HAT1: variants seen among roughly 807,000 people sequenced by gnomAD.
HAT1 encodes the protein histone acetyltransferase type B catalytic subunit.
In HAT1, 20 loss-of-function variants were observed where a neutral mutation model predicts 56.6. The ratio of observed to expected loss-of-function variants is 0.35; its 90% CI spans 0.25 to 0.51. The LOEUF (loss-of-function observed/expected upper bound fraction) is 0.51, where lower values mean the gene tolerates loss of function less well. Among genes scored for constraint, HAT1 ranks in the 20% least tolerant of loss-of-function variants. The probability of loss-of-function intolerance (pLI) is 0.95; values close to 1 mark genes in which losing one functional copy is unlikely to be tolerated. For synonymous variants in HAT1, 146 were observed against 165.5 expected, an observed-to-expected ratio of 0.88 and a Z score of 0.91; for missense variants, 408 against 504.3, an observed-to-expected ratio of 0.81 and a Z score of 1.83.
chr2:171,954,024 A>T (rs1360410528), intron 4 of HAT1, among the ~76,000 whole-genome samples: 1 of 152,076 alleles, frequency 6.6e-6, no homozygotes, highest in African/African-American at 2.4e-5. Context: ...ATAAAATCAT[A>T]TACTCAGTCT....
chr2:171,941,050 G>A (rs1263900974), intron 2 of HAT1, among the ~76,000 whole-genome samples: 1 of 152,122 alleles, frequency 6.6e-6, no homozygotes, highest in Admixed American at 6.6e-5. Context: ...TGGCAACATG[G>A]GGACTAAAAT....
chr2:171,923,171 TACA>T (rs1686486715), intron 1 of HAT1: 3 of 152,130 alleles, frequency 2.0e-5, no homozygotes, highest in African/African-American at 4.8e-5. Flanking sequence ...CCCTTCAAGT[TACA>T]ACATTTAATA....
At chr2:171,964,106 C>T (rs753925892) in intron 4 of HAT1, among the ~76,000 whole-genome samples, 8 of 152,154 alleles carry the variant, frequency 5.3e-5, no homozygotes, top group Non-Finnish European at 1.2e-4. Context: ...TGCTATTCAT[C>T]TGCAGGTGCA....
In HAT1 at chr2:171,963,340, G is replaced by T. The variant is rs1687616571; in HGVS notation, c.310-1998G>T. On this transcript the variant is annotated intron_variant, in intron 4 of 10. Transcript: ENST00000264108. ...TTTTATTTGAAGATATTTATTACAGGAAATAGACATCCTTTGAAGGCTGAA... is the reference window on the plus strand; with the variant it reads ...TTTTATTTGAAGATATTTATTACAGTAAATAGACATCCTTTGAAGGCTGAA... 2.0e-5 allele frequency among the ~76,000 whole-genome samples: 3 copies of T among 151,938 alleles called. No homozygotes were observed. The South Asian group carries it at 6.2e-4, about 32-fold the overall frequency.
chr2:171,976,659 GA>G (rs1687973762), intron 9 of HAT1, among the ~76,000 whole-genome samples: 1 of 152,186 alleles, frequency 6.6e-6, no homozygotes, highest in Non-Finnish European at 1.5e-5. Flanking sequence ...TTGGTGGGAA[GA>G]ATGGTTGAAG....
At chr2:171,930,732 A>T (rs1285252082) in intron 2 of HAT1, among the ~76,000 whole-genome samples, 7 of 151,902 alleles carry the variant, frequency 4.6e-5, no homozygotes, top group African/African-American at 1.7e-4. Context: ...CTCCCACCTC[A>T]GCCTCCTGAA....
Position 171,977,511 on chromosome 2 carries a change from G to T in HAT1, c.975+1203G>T, listed in dbSNP as rs1363190868. Reference sequence around the variant, plus strand: ...TTGTTTAATAGCTCAGCTTTTAAAAGAACAGGCATATGAATATATATATAT... The same window carrying T: ...TTGTTTAATAGCTCAGCTTTTAAAATAACAGGCATATGAATATATATATAT... On this transcript the variant is annotated intron_variant, in intron 9 of 10. Transcript: ENST00000264108. Among the ~76,000 whole-genome samples, 5 of 80,090 alleles carry T rather than the reference G, an allele frequency of 6.2e-5. No homozygotes were observed. The Admixed American group carries it at 7.1e-4, about 11-fold the overall frequency. 52.5% of individuals were successfully genotyped at this position (80,090 alleles called of 152,430 possible).
chr2:171,942,908 G>T (rs1687052889), intron 2 of HAT1, among the ~76,000 whole-genome samples: 2 of 151,972 alleles, frequency 1.3e-5, no homozygotes, highest in South Asian at 4.1e-4. Flanking sequence ...CTCATTACTT[G>T]TTCTTTTCTC....
Position 171,944,530 on chromosome 2 carries a change from T to C in HAT1, c.113-2178T>C, listed in dbSNP as rs531981097. 5.3e-5 allele frequency among the ~76,000 whole-genome samples: 8 copies of C among 152,302 alleles called. No homozygotes were observed. The East Asian group carries it at 7.7e-4, about 15-fold the overall frequency. On this transcript the variant is annotated intron_variant, in intron 2 of 10. Coordinates refer to ENST00000264108, the MANE Select transcript of HAT1 (RefSeq NM_003642.4). Reference sequence around the variant, plus strand: ...GGTCCACTTACACATGGACTTTTTTTCCTACCAAATGCAGATAGAAAGTAC... The same window carrying C: ...GGTCCACTTACACATGGACTTTTTTCCCTACCAAATGCAGATAGAAAGTAC...
intron 4 of HAT1, among the ~76,000 whole-genome samples, chr2:171,961,177 C>T (rs1429789797): frequency 6.6e-6 from 1 of 151,952 alleles, no homozygotes; most frequent in Non-Finnish European, 1.5e-5. Flanking sequence ...TGATGGCATG[C>T]TCCTGTAGTC....
chr2:171,971,547 G>A (rs749919168), intron 8 of HAT1, among the ~76,000 whole-genome samples: 6 of 152,100 alleles, frequency 3.9e-5, no homozygotes, highest in Non-Finnish European at 8.8e-5. Context: ...TTTGTTGAAC[G>A]GAGTGTCTTT....
intron 2 of HAT1, among the ~76,000 whole-genome samples, chr2:171,942,509 A>G (rs1687043186): frequency 6.6e-6 from 1 of 152,142 alleles, no homozygotes. Flanking sequence ...TATGTTTGTC[A>G]TGATAACATG....
At chr2:171,931,291 G>T (rs1686738817) in intron 2 of HAT1, among the ~76,000 whole-genome samples, 1 of 152,156 alleles carries the variant, frequency 6.6e-6, no homozygotes, top group African/African-American at 2.4e-5. Flanking sequence ...AGGAGGCTGA[G>T]GTGGGAGGAT....
intron 2 of HAT1, among the ~76,000 whole-genome samples, chr2:171,944,352 T>C (rs1687105030): frequency 1.3e-5 from 2 of 152,208 alleles, no homozygotes; most frequent in Non-Finnish European, 2.9e-5. Flanking sequence ...TTCCTTTTGA[T>C]ATTAGTTTAA....
At chr2:171,979,992 C>T (rs1688092917) in intron 10 of HAT1, 1 of 152,260 alleles carries the variant, frequency 6.6e-6, no homozygotes, top group East Asian at 1.9e-4. Flanking sequence ...TAACACGTGC[C>T]TGTAATCCCA....
intron 8 of HAT1, among the ~76,000 whole-genome samples, chr2:171,975,051 A>G (rs1330128306): frequency 2.0e-5 from 3 of 150,674 alleles, no homozygotes; most frequent in Admixed American, 6.6e-5. Context: ...TAGTGTCAGC[A>G]TAACTCTGGC....
chr2:171,946,522 T>A (rs774808283), intron 2 of HAT1, among the ~76,000 whole-genome samples, 186 bp from the exon 3 acceptor site: 9 of 152,222 alleles, frequency 5.9e-5, no homozygotes, highest in South Asian at 2.1e-4. Flanking sequence ...ATATTTTAAT[T>A]TTCTTTGTTC....
intron 10 of HAT1, among the ~76,000 whole-genome samples, chr2:171,982,762 T>G (rs1254311106): frequency 6.6e-6 from 1 of 152,206 alleles, no homozygotes; most frequent in Middle Eastern, 3.2e-3. Context: ...AGTACTTCAC[T>G]GGGTGGAATT....
chr2:171,956,113 C>G (rs546927248), intron 4 of HAT1, among the ~76,000 whole-genome samples: 28 of 143,416 alleles, frequency 2.0e-4, no homozygotes, highest in African/African-American at 6.8e-4. Context: ...CAGGTTGAGG[C>G]TACAGTAAGG....
Sources: gnomAD v4.1 joint callset for allele counts (sites outside exome capture counted in the v4.1 genomes callset) on GRCh38, gnomAD v4.1.1 for gene constraint, MANE v1.5 for transcripts, NCBI Gene and HGNC (gene_info 2026-07-23, HGNC 2026-07-21) for gene names.